BAZ1B: variants seen among roughly 807,000 people sequenced by gnomAD.
The protein encoded by BAZ1B is bromodomain adjacent to zinc finger domain 1B, also known as tyrosine-protein kinase BAZ1B.
A neutral mutation model predicts 153.8 loss-of-function variants in BAZ1B; 22 were observed. The observed-to-expected ratio is 0.14, with a 90% CI of 0.10 to 0.20. The LOEUF is 0.20. Ranked by LOEUF, BAZ1B falls within the 10% of genes least tolerant of loss-of-function variation. The probability of loss-of-function intolerance (pLI) is 1.00; values close to 1 mark genes in which losing one functional copy is unlikely to be tolerated. For synonymous variants in BAZ1B, 676 were observed against 633.4 expected (o/e 1.07, Z -1.01); for missense variants, 1,325 against 1,799.3 (o/e 0.74, Z 4.77).
At chr7:73,468,343 C>A (rs1386461832) in intron 9 of BAZ1B, among the ~76,000 whole-genome samples, 1 of 151,938 alleles carries the variant, frequency 6.6e-6, no homozygotes, top group Non-Finnish European at 1.5e-5. Flanking sequence ...GAGGGGAGCT[C>A]CCGAATAACC....
At position 73,444,121 on chromosome 7, in the gene BAZ1B, G is replaced by C; in HGVS notation, c.3853C>G (p.Arg1285Gly). The C allele has an allele frequency of 6.3e-7, 1 of 1,596,580 alleles. No individual in the cohort carries two copies. The highest frequency in any genetic ancestry group is 8.5e-7 in the Non-Finnish European group (1 of 1,173,108). ...CTGTGCTTGCCCCGGATGGTCTTTC[G>C]AGGTCTCACTGAAAGAAAAACTATG... Reference protein sequence around the residue: ...YEVAGLRLRPRKTIRGKHSVI... With the variant: ...YEVAGLRLRPGKTIRGKHSVI... The change falls in exon 17 of 20, where the codon CGA becomes GGA. Residue 1285 changes from arginine to glycine, a missense_variant. Around this residue, in one of 9 missense-constraint regions of BAZ1B, gnomAD observed 271 missense variants for 337.2 expected, o/e 0.80. Coordinates refer to ENST00000339594, the MANE Select transcript of BAZ1B (RefSeq NM_032408.4).
At chr7:73,456,199 T>C (rs1488431981) in intron 13 of BAZ1B, among the ~76,000 whole-genome samples, 1 of 151,988 alleles carries the variant, frequency 6.6e-6, no homozygotes, top group Admixed American at 6.6e-5. Context: ...AACTATAAAA[T>C]ATCTAGAAAA....
rs1342072703 is a variant in BAZ1B, at chr7:73,447,363, A to T, written c.3745T>A (p.Ser1249Thr). 2.5e-6 allele frequency: 4 copies of T among 1,613,226 alleles called. No individual in the cohort carries two copies. The highest frequency in any genetic ancestry group is 3.4e-6 in the Non-Finnish European group (4 of 1,179,724). The stretch of plus-strand genomic sequence containing the variant: ...TCATCTTCACTGTCCTCAGAAGCAG[A>T]CTCTTCAGTATAGTTCCTGTGGGTA... ...NSRGRNYTEESASEDSEDDES... is the reference protein window; with the variant it reads ...NSRGRNYTEETASEDSEDDES... The change falls in exon 16 of 20, where the codon TCT (serine) becomes ACT (threonine). Residue 1249 changes from serine to threonine, a missense_variant. Physicochemically the swap from Ser to Thr is moderately conservative, Grantham distance 58. This residue lies in a region of BAZ1B where 271 missense variants were observed against 337.2 expected (regional missense o/e 0.80). Transcript: ENST00000339594.
In BAZ1B at chr7:73,466,179, C is replaced by G. The variant is rs182175588; in HGVS notation, c.2972+117G>C. 33 of 700,938 alleles carry G rather than the reference C, an allele frequency of 4.7e-5. No homozygotes were observed. In the Middle Eastern group the frequency reaches 1.3e-3, roughly 28 times the overall value. 43.4% of individuals were successfully genotyped at this position (700,938 alleles called of 1,614,324 possible). A position where few individuals can be genotyped will look rare whatever the true frequency, so the allele number is the denominator to read the frequency against. ...AAGTTTTGATATCCAAAATATCAGT[C>G]ACACAAAGTATCCTGCGCAAATAAT... On this transcript the variant is annotated intron_variant, in intron 10 of 19. Coordinates refer to ENST00000339594, the MANE Select transcript of BAZ1B (RefSeq NM_032408.4).
Position 73,462,929 on chromosome 7 carries a change from T to G in BAZ1B, c.3242A>C (p.Glu1081Ala). 8 of 1,614,042 alleles carry G rather than the reference T, an allele frequency of 5.0e-6. No individual in the cohort carries two copies. Among genetic ancestry groups the G allele is most frequent in the Non-Finnish European group, 6.8e-6 (8 of 1,179,926 alleles). The change falls in exon 12 of 20, where the codon GAA becomes GCA. Residue 1081 changes from glutamate to alanine, a missense_variant. Physicochemically the swap from Glu to Ala is moderately radical, Grantham distance 107. Coordinates refer to ENST00000339594, the MANE Select transcript of BAZ1B (RefSeq NM_032408.4). The part of the protein sequence containing the change: ...LGYVEETSEF[E>A]ARVISLEKLK... ...ATTTTCTTATATTCCTACCCGGGCT[T>G]CAAATTCTGATGTTTCTTCCACATA...
chr7:73,489,152 T>A, intron 6 of BAZ1B, 42 bp downstream of exon 6: 1 of 1,572,180 alleles, frequency 6.4e-7, no homozygotes, highest in Non-Finnish European at 8.7e-7. Flanking sequence ...AGAGAAATAA[T>A]GATGCTTTAT....
intron 5 of BAZ1B, among the ~76,000 whole-genome samples, chr7:73,491,054 G>A (rs1204598780): frequency 1.3e-5 from 2 of 151,810 alleles, no homozygotes; most frequent in East Asian, 3.9e-4. Flanking sequence ...TTGGGAAGCC[G>A]AGGCAGGCGG....
At chr7:73,471,332 TG>T (rs1193823749) in intron 7 of BAZ1B, among the ~76,000 whole-genome samples, 1 of 152,232 alleles carries the variant, frequency 6.6e-6, no homozygotes, top group East Asian at 1.9e-4. Context: ...CTAATTATTC[TG>T]CAAGTTACTG....
Position 73,489,081 on chromosome 7 carries a change from A to G in BAZ1B, c.891+113T>C, listed in dbSNP as rs555454589. Reference sequence around the variant, plus strand: ...TAACAGATATACCTGAAAAATTTTTAATTCATTATCTGATGTTAGAGTTCA... The same window carrying G: ...TAACAGATATACCTGAAAAATTTTTGATTCATTATCTGATGTTAGAGTTCA... On this transcript the variant is annotated intron_variant, in intron 6 of 19. Coordinates refer to ENST00000339594, the MANE Select transcript of BAZ1B (RefSeq NM_032408.4). 193 of 1,141,844 alleles carry G rather than the reference A, an allele frequency of 1.7e-4. 1 individual carries two copies. The highest frequency in any genetic ancestry group is 1.9e-4 in the Non-Finnish European group (152 of 816,494). 70.7% of individuals were successfully genotyped at this position (1,141,844 alleles called of 1,614,324 possible). A position where few individuals can be genotyped will look rare whatever the true frequency, so the allele number is the denominator to read the frequency against.
chr7:73,501,329 C>G (rs955868352), intron 3 of BAZ1B, among the ~76,000 whole-genome samples: 1 of 152,160 alleles, frequency 6.6e-6, no homozygotes, highest in Non-Finnish European at 1.5e-5. Context: ...ACAACCTGTA[C>G]AAGATCTAGC....
intron 2 of BAZ1B, among the ~76,000 whole-genome samples, chr7:73,510,230 C>A (rs1554578383): frequency 6.6e-6 from 1 of 152,102 alleles, no homozygotes; most frequent in African/African-American, 2.4e-5. Context: ...GAGATTGAGA[C>A]CATCCTGGCT....
intron 6 of BAZ1B, among the ~76,000 whole-genome samples, chr7:73,487,014 A>G (rs1554574570): frequency 1.3e-5 from 2 of 152,222 alleles, no homozygotes; most frequent in South Asian, 4.1e-4. Context: ...GGGAAAACAA[A>G]TAATAAACCT....
At chr7:73,465,373 C>G (rs1563372961) in intron 11 of BAZ1B, 66 bp downstream of exon 11, 2 of 1,087,262 alleles carry the variant, frequency 1.8e-6, no homozygotes, top group Non-Finnish European at 1.3e-6. Flanking sequence ...GAAAAAAAAC[C>G]CTCAGATATT....
intron 6 of BAZ1B, among the ~76,000 whole-genome samples, chr7:73,486,233 G>A (rs987728078): frequency 6.6e-6 from 1 of 152,076 alleles, no homozygotes; most frequent in Admixed American, 6.6e-5. Context: ...CATCATATTA[G>A]GTACTCAGGT....
At position 73,508,494 on chromosome 7, in the gene BAZ1B, C is replaced by G; in HGVS notation, c.225-23G>C. 4 of 1,584,892 alleles carry G rather than the reference C, an allele frequency of 2.5e-6. 1 individual carries two copies. In the Middle Eastern group the frequency reaches 6.7e-4, roughly 267 times the overall value. Reference sequence around the variant, plus strand: ...AAACTAAATAAATGTAATTAGTTATCAAGAAAACACAGAAACACCTACCCA... The same window carrying G: ...AAACTAAATAAATGTAATTAGTTATGAAGAAAACACAGAAACACCTACCCA... On this transcript the variant is annotated intron_variant, in intron 2 of 19. Transcript: ENST00000339594.
At chr7:73,443,842 TCTGCCTCCC>T (rs1787721289) in intron 17 of BAZ1B, 133 bp downstream of exon 17, 2 of 1,246,934 alleles carry the variant, frequency 1.6e-6, no homozygotes, top group Middle Eastern at 5.3e-4. Context: ...GGCTCACCCA[TCTGCCTCCC>T]CAGCCTCCCA....
intron 4 of BAZ1B, among the ~76,000 whole-genome samples, chr7:73,494,484 C>G (rs782599545): frequency 6.6e-6 from 1 of 152,192 alleles, no homozygotes; most frequent in African/African-American, 2.4e-5. Flanking sequence ...CAGGCTCACA[C>G]AGGTAATCCC....
intron 5 of BAZ1B, among the ~76,000 whole-genome samples, chr7:73,490,941 A>G (rs1347104688): frequency 1.3e-5 from 2 of 151,896 alleles, no homozygotes; most frequent in African/African-American, 4.8e-5. Flanking sequence ...ACCTTGCTGA[A>G]TGAGAAGAAA....
chr7:73,500,580 T>G (rs1415969072), intron 3 of BAZ1B, among the ~76,000 whole-genome samples: 13 of 150,348 alleles, frequency 8.6e-5, no homozygotes, highest in Admixed American at 7.3e-4. Flanking sequence ...CTACAAAGCT[T>G]TTCCAATGCT....
Sources: allele counts gnomAD v4.1 joint callset (sites outside exome capture counted in the v4.1 genomes callset), GRCh38; gene constraint gnomAD v4.1.1; regional missense constraint gnomAD v4.1.1; transcripts MANE v1.5; gene names NCBI Gene and HGNC (gene_info 2026-07-23, HGNC 2026-07-21).